Variants in HDDC2 observed in about 807,000 individuals in gnomAD.
HDDC2 encodes the protein HD domain containing 2, also known as 5'-deoxynucleotidase HDDC2.
In HDDC2, 25 loss-of-function variants were observed where a neutral mutation model predicts 25.5. That is an observed-to-expected ratio of 0.98 (90% CI 0.72 to 1.37). The LOEUF (loss-of-function observed/expected upper bound fraction) is 1.37. HDDC2 is among the 40% of genes most tolerant of loss of function. The pLI is 0.00. For synonymous variants in HDDC2, 106 were observed against 89.7 expected, an observed-to-expected ratio of 1.18 and a Z score of -1.03; for missense variants, 264 against 253.1, an observed-to-expected ratio of 1.04 and a Z score of -0.29.
chr6:125,278,287 CATTTT>C (rs1562433649), intron 4 of HDDC2: 1 of 152,068 alleles, frequency 6.6e-6, no homozygotes, highest in African/African-American at 2.4e-5. Context: ...AAAATAATTT[CATTTT>C]ATTTGTTTAT....
At chr6:125,298,267 A>G in intron 3 of HDDC2, among the ~76,000 whole-genome samples, 1 of 152,162 alleles carries the variant, frequency 6.6e-6, no homozygotes, top group East Asian at 1.9e-4. Flanking sequence ...AAAATAAAAT[A>G]AAAATTACCT....
chr6:125,300,728 A>C, intron 1 of HDDC2, 69 bp from the exon 2 acceptor site: 1 of 1,492,962 alleles, frequency 6.7e-7, no homozygotes, highest in Non-Finnish European at 9.1e-7. Context: ...GCTCTTCAAG[A>C]GATGTCCAGG....
chr6:125,296,669 G>A (rs1002811698), intron 3 of HDDC2, among the ~76,000 whole-genome samples: 1 of 152,140 alleles, frequency 6.6e-6, no homozygotes, highest in Admixed American at 6.5e-5. Context: ...ATTGCCTTCT[G>A]CTTATGACAT....
chr6:125,298,585 C>G lies in HDDC2; in HGVS notation c.309+129G>C, dbSNP rs1798743642. On this transcript the variant is annotated intron_variant, in intron 3 of 5. Coordinates refer to ENST00000398153, the MANE Select transcript of HDDC2 (RefSeq NM_016063.3). ...AAAAATATCTTCCCCTGACCTTCCC[C>G]TTCCTAAGACACTACTAAGACTATC... 3 of 682,946 alleles carry G rather than the reference C, an allele frequency of 4.4e-6. No homozygotes were observed. In the South Asian group the frequency reaches 5.3e-5, roughly 12 times the overall value. The allele number at this position is 682,946 out of a possible 1,614,324, so 42.3% of individuals were successfully genotyped here.
intron 4 of HDDC2, among the ~76,000 whole-genome samples, chr6:125,282,780 G>A (rs567072543): frequency 2.6e-5 from 4 of 152,250 alleles, no homozygotes; most frequent in Admixed American, 6.5e-5. Context: ...TCTTACGTGC[G>A]AAGACACACA....
chr6:125,301,127 C>A (rs577838731), intron 1 of HDDC2, among the ~76,000 whole-genome samples: 2 of 152,290 alleles, frequency 1.3e-5, no homozygotes, highest in African/African-American at 4.8e-5. Context: ...AGCCGTGACT[C>A]TTCCTTTTAT....
At chr6:125,299,235 T>C (rs191605038) in intron 2 of HDDC2, among the ~76,000 whole-genome samples, 2 of 152,152 alleles carry the variant, frequency 1.3e-5, no homozygotes, top group Non-Finnish European at 2.9e-5. Context: ...ATACAAAAAT[T>C]AGCTGGGTGT....
intron 4 of HDDC2, among the ~76,000 whole-genome samples, chr6:125,288,484 A>C (rs1160581872): frequency 6.6e-6 from 1 of 152,224 alleles, no homozygotes; most frequent in African/African-American, 2.4e-5. Context: ...AAGGAGTCCA[A>C]GCAGGATGGA....
At chr6:125,293,262 A>C (rs113846321) in intron 3 of HDDC2, 3 of 354,336 alleles carry the variant, frequency 8.5e-6, no homozygotes, top group African/African-American at 4.2e-5. Flanking sequence ...CATACATTTC[A>C]ATCATAAGCA....
intron 2 of HDDC2, chr6:125,300,270 C>T: frequency 2.5e-6 from 1 of 397,000 alleles, no homozygotes; most frequent in Non-Finnish European, 4.5e-6. Flanking sequence ...AGACATAACA[C>T]ACTCACCTTC....
intron 3 of HDDC2, among the ~76,000 whole-genome samples, chr6:125,297,069 T>C (rs914797627): frequency 5.3e-5 from 8 of 152,226 alleles, no homozygotes; most frequent in African/African-American, 1.9e-4. Flanking sequence ...TACTTTAGAA[T>C]ATGATTTCTC....
chr6:125,291,195 C>CT (rs1798626853), intron 4 of HDDC2, among the ~76,000 whole-genome samples: 1 of 152,120 alleles, frequency 6.6e-6, no homozygotes, highest in African/African-American at 2.4e-5. Context: ...AAAGTATATA[C>CT]TTTGAGACGA....
In HDDC2 at chr6:125,277,208, T is replaced by G; in HGVS notation, c.411A>C (p.Lys137Asn). The G allele has an allele frequency of 1.9e-6, 3 of 1,614,118 alleles. No homozygotes were observed. The highest frequency in any genetic ancestry group is 2.5e-6 in the Non-Finnish European group (3 of 1,179,996). Residue 137 changes from lysine to asparagine, a missense_variant, in exon 5 of 6, where the codon AAA becomes AAC. Coordinates refer to ENST00000398153, the MANE Select transcript of HDDC2 (RefSeq NM_016063.3). The stretch of plus-strand genomic sequence containing the variant: ...CACATTGGTCTAGCTGCTTCACAAA[T>G]TTGGCTTCTGCACTAGATTGGGTCT... Reference protein sequence around the residue: ...EYETQSSAEAKFVKQLDQCEM... With the variant: ...EYETQSSAEANFVKQLDQCEM...
At chr6:125,277,028 C>T in intron 5 of HDDC2, 74 bp downstream of exon 5, 2 of 1,481,312 alleles carry the variant, frequency 1.4e-6, no homozygotes, top group Non-Finnish European at 1.9e-6. Flanking sequence ...GTGGGTTTCC[C>T]TAATATTAAC....
chr6:125,277,042 AGTCACTACACTGAGTAAGCC>A, intron 5 of HDDC2, 40 bp downstream of exon 5: 1 of 1,548,672 alleles, frequency 6.5e-7, no homozygotes, highest in East Asian at 2.2e-5. Flanking sequence ...TATTAACATT[AGTCACTACACTGAGTAAGCC>A]AAACTAAAAT....
intron 1 of HDDC2, 28 bp downstream of exon 1, chr6:125,301,821 G>A (rs1487454416): frequency 3.3e-6 from 5 of 1,516,348 alleles, no homozygotes; most frequent in South Asian, 2.4e-5. Flanking sequence ...CCGCTCGGCC[G>A]CGGCCTCCCG....
intron 2 of HDDC2, among the ~76,000 whole-genome samples, chr6:125,299,756 C>T (rs2115119196): frequency 6.6e-6 from 1 of 152,312 alleles, no homozygotes; most frequent in Non-Finnish European, 1.5e-5. Context: ...TCAGGCTTCC[C>T]AAATGAACTC....
At chr6:125,292,754 T>C in intron 4 of HDDC2, 87 bp downstream of exon 4, 2 of 1,017,520 alleles carry the variant, frequency 2.0e-6, no homozygotes. Context: ...GGACCGCTTG[T>C]TAAGATCATC....
chr6:125,279,473 AAC>A (rs2083209184), intron 4 of HDDC2: 1 of 152,206 alleles, frequency 6.6e-6, no homozygotes. Flanking sequence ...ATTTAAAAAA[AAC>A]ACAACAACAA....
Sources: gnomAD v4.1 joint callset for allele counts (sites outside exome capture counted in the v4.1 genomes callset) on GRCh38, gnomAD v4.1.1 for gene constraint, MANE v1.5 for transcripts, NCBI Gene and HGNC (gene_info 2026-07-23, HGNC 2026-07-21) for gene names.